GRIK3: variants seen among roughly 807,000 people sequenced by gnomAD.
GRIK3 encodes glutamate receptor ionotropic, kainate 3.
In GRIK3, 29 loss-of-function variants were observed where a neutral mutation model predicts 102.5. The observed-to-expected ratio is 0.28, with a 90% CI of 0.21 to 0.39. GRIK3 has a LOEUF of 0.39. Ranked by LOEUF, GRIK3 falls within the 10% of genes least tolerant of loss-of-function variation. The pLI is 1.00. For missense variants in GRIK3, 908 were observed against 1,252.4 expected, an observed-to-expected ratio of 0.73 and a Z score of 4.15; for synonymous variants, 511 against 504.9, an observed-to-expected ratio of 1.01 and a Z score of -0.16.
intron 1 of GRIK3, among the ~76,000 whole-genome samples, chr1:37,021,127 TGAGAGAGA>T (rs5773568): frequency 0.033 from 4,726 of 145,270 alleles, 250 homozygotes; most frequent in African/African-American, 0.11. Context: ...TGTGTGTCTG[TGAGAGAGA>T]GAGAGAGAGA....
At chr1:36,941,425 G>C (rs1265025035) in intron 1 of GRIK3, among the ~76,000 whole-genome samples, 1 of 152,206 alleles carries the variant, frequency 6.6e-6, no homozygotes, top group African/African-American at 2.4e-5. Context: ...GGAATGTCAG[G>C]GAAAGGGAAT....
At chr1:37,015,865 G>A (rs1229826399) in intron 1 of GRIK3, among the ~76,000 whole-genome samples, 2 of 152,254 alleles carry the variant, frequency 1.3e-5, no homozygotes, top group South Asian at 2.1e-4. Context: ...CCACTGCGAG[G>A]ACTACAGGGA....
At chr1:36,892,480 T>G (rs375425805) in intron 1 of GRIK3, among the ~76,000 whole-genome samples, 3 of 58,436 alleles carry the variant, frequency 5.1e-5, no homozygotes, top group African/African-American at 2.0e-4. Flanking sequence ...TTTACAAAAA[T>G]AAAAAGAAAA....
intron 11 of GRIK3, among the ~76,000 whole-genome samples, chr1:36,823,472 C>CAAAAAAAAAAAA: frequency 2.6e-5 from 1 of 38,098 alleles, no homozygotes; most frequent in Non-Finnish European, 5.0e-5. Flanking sequence ...GACTCCGTCT[C>CAAAAAAAAAAAA]AAAAAAAAAA....
intron 1 of GRIK3, among the ~76,000 whole-genome samples, chr1:36,982,105 C>T (rs78270747): frequency 0.031 from 4,716 of 152,284 alleles, 247 homozygotes; most frequent in African/African-American, 0.11. Flanking sequence ...GCTCAGCCCA[C>T]TCAGCCAGGA....
At chr1:36,897,771 T>C (rs1466971402) in intron 1 of GRIK3, among the ~76,000 whole-genome samples, 2 of 152,164 alleles carry the variant, frequency 1.3e-5, no homozygotes, top group Non-Finnish European at 2.9e-5. Flanking sequence ...TACCATATGA[T>C]CCAGCAATCT....
At chr1:36,979,601 C>T (rs192833383) in intron 1 of GRIK3, among the ~76,000 whole-genome samples, 24 of 152,324 alleles carry the variant, frequency 1.6e-4, no homozygotes, top group African/African-American at 5.5e-4. Flanking sequence ...AGGAACTTGA[C>T]TCAAAGAAAA....
intron 11 of GRIK3, among the ~76,000 whole-genome samples, chr1:36,822,553 G>A (rs1238123409): frequency 2.0e-5 from 3 of 152,198 alleles, no homozygotes; most frequent in African/African-American, 7.2e-5. Context: ...TTTGTAGCTT[G>A]CGGTTGCAAG....
At chr1:36,988,656 C>A (rs1208606334) in intron 1 of GRIK3, among the ~76,000 whole-genome samples, 1 of 152,218 alleles carries the variant, frequency 6.6e-6, no homozygotes. Context: ...ATTCTTCACA[C>A]ATAGAATAAT....
rs1280455422 is a variant in GRIK3, at chr1:36,806,946, C to T, written c.2092-620G>A. On this transcript the variant is annotated intron_variant, in intron 13 of 15. Transcript: ENST00000373091. The surrounding 1 kb of genome is among the most constrained non-coding windows in gnomAD (Gnocchi z 4.0). The stretch of plus-strand genomic sequence containing the variant: ...AAGCTGAGTGGGTCCTGGGCCTCCC[C>T]TTTCACTTCAACCAATGGAGGCCTC... Among the ~76,000 whole-genome samples the T allele has an allele frequency of 6.6e-6, 1 of 152,186 alleles. No homozygotes were observed. Among genetic ancestry groups the T allele is most frequent in the Non-Finnish European group, 1.5e-5 (1 of 68,038 alleles).
intron 7 of GRIK3, among the ~76,000 whole-genome samples, chr1:36,855,262 C>G (rs900790254): frequency 2.6e-5 from 4 of 152,192 alleles, no homozygotes; most frequent in African/African-American, 4.8e-5. Flanking sequence ...CCTAACCACT[C>G]CGAGCCATGC....
In GRIK3 at chr1:37,034,331, C is replaced by T. The variant is rs966563861; in HGVS notation, c.-223G>A. The stretch of plus-strand genomic sequence containing the variant: ...GCCTGGCTGCCGCCCACGGGCTGCC[C>T]GCGAGCGAGGCTCCTGGGCTCCGCC... On this transcript the variant is annotated 5_prime_UTR_variant, in exon 1 of 16. Transcript: ENST00000373091. Among the ~76,000 whole-genome samples the T allele has an allele frequency of 6.7e-6, 1 of 149,748 alleles. No individual in the cohort carries two copies. Among genetic ancestry groups the T allele is most frequent in the Admixed American group, 6.6e-5 (1 of 15,086 alleles).
intron 1 of GRIK3, among the ~76,000 whole-genome samples, chr1:36,898,114 C>G (rs1570786636): frequency 6.6e-6 from 1 of 151,782 alleles, no homozygotes; most frequent in African/African-American, 2.4e-5. Context: ...AGGATGGTAA[C>G]CAGAGGCTGG....
chr1:36,959,244 A>AG (rs1246888959), intron 1 of GRIK3, among the ~76,000 whole-genome samples: 2 of 101,578 alleles, frequency 2.0e-5, no homozygotes, highest in South Asian at 3.6e-4. Context: ...GTGTCCCATG[A>AG]CCTGTGTGTC....
Position 36,881,599 on chromosome 1 carries a change from C to T in GRIK3, c.293-708G>A, listed in dbSNP as rs148078724. Among the ~76,000 whole-genome samples the T allele has an allele frequency of 3.2e-3, 485 of 152,274 alleles. 15 individuals carry two copies. In the East Asian group the frequency reaches 0.063, roughly 20 times the overall value. On this transcript the variant is annotated intron_variant, in intron 2 of 15. Coordinates refer to ENST00000373091, the MANE Select transcript of GRIK3 (RefSeq NM_000831.4). ...GACCACTTCCCGCCACTCCCAGCCC[C>T]GACTCCCATCCTGGTCCAAGCCGCC...
chr1:36,825,897 T>C, intron 10 of GRIK3, 71 bp from the exon 11 acceptor site: 1 of 1,108,282 alleles, frequency 9.0e-7, no homozygotes, highest in Non-Finnish European at 1.3e-6. Context: ...AGAACACCAT[T>C]GCTGGAGGAG....
At chr1:36,930,857 G>A (rs1000482633) in intron 1 of GRIK3, among the ~76,000 whole-genome samples, 7 of 152,216 alleles carry the variant, frequency 4.6e-5, no homozygotes, top group Non-Finnish European at 1.0e-4. Context: ...TGTATCTTGA[G>A]AGCTACCCTT....
intron 1 of GRIK3, among the ~76,000 whole-genome samples, chr1:36,901,403 C>G (rs1238846288): frequency 6.6e-6 from 1 of 152,118 alleles, no homozygotes; most frequent in African/African-American, 2.4e-5. Context: ...TAATGTAATC[C>G]ATTATATCAG....
At chr1:37,027,107 G>A (rs1436045903) in intron 1 of GRIK3, among the ~76,000 whole-genome samples, 1 of 152,038 alleles carries the variant, frequency 6.6e-6, no homozygotes, top group African/African-American at 2.4e-5. Flanking sequence ...GGTCAATACT[G>A]TTAGTAAACA....
Sources: gnomAD v4.1 joint callset for allele counts (sites outside exome capture counted in the v4.1 genomes callset) on GRCh38, gnomAD v4.1.1 for gene constraint, Gnocchi (gnomAD v3.1) non-coding constraint, MANE v1.5 for transcripts, NCBI Gene and HGNC (gene_info 2026-07-23, HGNC 2026-07-21) for gene names.